The following IRF8 variants were observed in gnomAD, a reference collection of about 807,000 sequenced individuals.
The protein encoded by IRF8 is interferon consensus sequence binding protein 1.
IRF8 carries 14 observed loss-of-function variants against 48.7 expected under a neutral mutation model. The ratio of observed to expected loss-of-function variants is 0.29; its 90% CI spans 0.19 to 0.45. The LOEUF is 0.45. IRF8 is among the 20% of genes least tolerant of loss of function. The probability of loss-of-function intolerance (pLI) is 1.00; values close to 1 mark genes in which losing one functional copy is unlikely to be tolerated. For synonymous variants in IRF8, 278 were observed against 227.3 expected (o/e 1.22, Z -2.01); for missense variants, 493 against 580.7 (o/e 0.85, Z 1.55).
intron 7 of IRF8, among the ~76,000 whole-genome samples, chr16:85,919,438 C>T (rs768592141): frequency 6.6e-6 from 1 of 152,190 alleles, no homozygotes; most frequent in Non-Finnish European, 1.5e-5. Flanking sequence ...GTCTCAGCTG[C>T]CACTGGCCTG....
In IRF8 at chr16:85,922,438, A is replaced by T. The variant is rs6638; in HGVS notation, c.*1156A>T. On this transcript the variant is annotated 3_prime_UTR_variant, in exon 9 of 9. Coordinates refer to ENST00000268638, the MANE Select transcript of IRF8 (RefSeq NM_002163.4). ...AGCATTATATTTTTAAGAATGGCAG[A>T]CCTGTTTGCTGAAGTGTTCATAAGA... The T allele has an allele frequency of 0.59, 90,306 of 152,200 alleles. 27,686 individuals carry two copies. The highest frequency in any genetic ancestry group is 0.85 in the East Asian group (4,498 of 5,318). The allele number at this position is 152,200 out of a possible 1,614,324, so 9.4% of individuals were successfully genotyped here.
At chr16:85,917,888 GT>G (rs1337457148) in intron 6 of IRF8, among the ~76,000 whole-genome samples, 1 of 152,226 alleles carries the variant, frequency 6.6e-6, no homozygotes, top group East Asian at 1.9e-4. Context: ...TGGATGAAGG[GT>G]TTTGCAGAGA....
chr16:85,918,910 G>A (rs1905430655), intron 7 of IRF8, 107 bp downstream of exon 7: 1 of 1,373,308 alleles, frequency 7.3e-7, no homozygotes, highest in Non-Finnish European at 1.0e-6. Flanking sequence ...GAGGGATGTG[G>A]AGGAGGAGTG....
chr16:85,907,149 A>G (rs914490382), intron 2 of IRF8, among the ~76,000 whole-genome samples: 2 of 152,358 alleles, frequency 1.3e-5, no homozygotes, highest in African/African-American at 4.8e-5. Context: ...GGAAACTACC[A>G]CTTATGCTCA....
intron 4 of IRF8, among the ~76,000 whole-genome samples, chr16:85,912,642 C>T (rs1025636384): frequency 2.6e-5 from 4 of 152,152 alleles, no homozygotes; most frequent in Admixed American, 1.3e-4. Flanking sequence ...ATTGCCACAC[C>T]GGGGTCACAA....
At chr16:85,914,163 A>C in intron 5 of IRF8, 2 of 428,392 alleles carry the variant, frequency 4.7e-6, no homozygotes, top group Non-Finnish European at 8.8e-6. Flanking sequence ...GTCCAGTGGT[A>C]TTCTGGGGGT....
chr16:85,899,914 T>G (rs887929962), intron 1 of IRF8, among the ~76,000 whole-genome samples: 1 of 152,132 alleles, frequency 6.6e-6, no homozygotes, highest in African/African-American at 2.4e-5. Flanking sequence ...GTGAAAGGCT[T>G]TACGGATGGA....
chr16:85,918,903 G>C, intron 7 of IRF8, 100 bp downstream of exon 7: 1 of 1,452,350 alleles, frequency 6.9e-7, no homozygotes, highest in Non-Finnish European at 9.5e-7. Context: ...TCTCATGGAG[G>C]GATGTGGAGG....
chr16:85,912,294 C>G (rs1209287872), intron 4 of IRF8, among the ~76,000 whole-genome samples: 1 of 152,226 alleles, frequency 6.6e-6, no homozygotes, highest in Non-Finnish European at 1.5e-5. Flanking sequence ...TCTTTGGCCT[C>G]TTAACTATGC....
intron 5 of IRF8, 72 bp downstream of exon 5, chr16:85,913,308 C>A (rs140328691): frequency 2.8e-6 from 3 of 1,075,384 alleles, no homozygotes; most frequent in Non-Finnish European, 4.3e-6. Context: ...CAGCCAGGGA[C>A]GGAGTGGGGG....
chr16:85,913,311 A>G (rs773792184), intron 5 of IRF8, 75 bp downstream of exon 5: 11 of 1,051,010 alleles, frequency 1.0e-5, no homozygotes, highest in Non-Finnish European at 1.6e-5. Context: ...CCAGGGACGG[A>G]GTGGGGGTGG....
At chr16:85,906,446 A>G (rs1422444510) in intron 2 of IRF8, among the ~76,000 whole-genome samples, 1 of 152,164 alleles carries the variant, frequency 6.6e-6, no homozygotes, top group African/African-American at 2.4e-5. Flanking sequence ...TGCTGGCCAG[A>G]GAGGCTGGGA....
In IRF8 at chr16:85,921,383, G is replaced by A. The variant is rs1905563170; in HGVS notation, c.*101G>A. 5 of 1,287,110 alleles carry A rather than the reference G, an allele frequency of 3.9e-6. No homozygotes were observed. The highest frequency in any genetic ancestry group is 5.6e-6 in the Non-Finnish European group (5 of 894,680). 79.7% of individuals were successfully genotyped at this position (1,287,110 alleles called of 1,614,324 possible). Reference sequence around the variant, plus strand: ...AAGAATGTGGATCCCTCTGTCTGGGGTGGGATGCCTTACTTTGCACTTAAT... The same window carrying A: ...AAGAATGTGGATCCCTCTGTCTGGGATGGGATGCCTTACTTTGCACTTAAT... On this transcript the variant is annotated 3_prime_UTR_variant, in exon 9 of 9. Coordinates refer to ENST00000268638, the MANE Select transcript of IRF8 (RefSeq NM_002163.4).
intron 2 of IRF8, among the ~76,000 whole-genome samples, chr16:85,905,360 G>A (rs1012111408): frequency 6.8e-6 from 1 of 146,868 alleles, no homozygotes; most frequent in Non-Finnish European, 1.5e-5. Context: ...ACTTGTGCTC[G>A]GGGGGTAATG....
At chr16:85,899,970 A>T (rs2152097556) in intron 1 of IRF8, among the ~76,000 whole-genome samples, 1 of 152,338 alleles carries the variant, frequency 6.6e-6, no homozygotes, top group African/African-American at 2.4e-5. Flanking sequence ...CTCCCCAACC[A>T]ATGGCCCCCC....
At chr16:85,913,274 C>A in intron 5 of IRF8, 38 bp downstream of exon 5, 2 of 1,434,592 alleles carry the variant, frequency 1.4e-6, no homozygotes, top group Non-Finnish European at 2.0e-6. Context: ...CCAGGCATGG[C>A]CTGAAGGGTT....
At chr16:85,917,121 C>T (rs1905336086) in intron 6 of IRF8, among the ~76,000 whole-genome samples, 1 of 152,106 alleles carries the variant, frequency 6.6e-6, no homozygotes, top group African/African-American at 2.4e-5. Context: ...GCAGTGTCAG[C>T]AGGGAATGCA....
chr16:85,919,890 G>A (rs531707363), intron 7 of IRF8, among the ~76,000 whole-genome samples: 1 of 152,316 alleles, frequency 6.6e-6, no homozygotes, highest in Non-Finnish European at 1.5e-5. Flanking sequence ...ATGGAGAGGC[G>A]TTCAAACGAG....
intron 3 of IRF8, chr16:85,910,017 A>G (rs953658461): frequency 5.9e-5 from 9 of 152,202 alleles, no homozygotes; most frequent in African/African-American, 2.2e-4. Context: ...GAAACCCCCA[A>G]AACTTCTTGG....
Sources: allele counts gnomAD v4.1 joint callset (sites outside exome capture counted in the v4.1 genomes callset), GRCh38; gene constraint gnomAD v4.1.1; transcripts MANE v1.5; gene names NCBI Gene and HGNC (gene_info 2026-07-23, HGNC 2026-07-21).